Variants in NUTM2G observed in about 807,000 individuals in gnomAD.
NUTM2G encodes family with sequence similarity 22, member G.
In NUTM2G, 29 loss-of-function variants were observed where a neutral mutation model predicts 44.3. The observed-to-expected ratio is 0.66, with a 90% CI of 0.49 to 0.89. The LOEUF (loss-of-function observed/expected upper bound fraction) is 0.89, where lower values mean the gene tolerates loss of function less well. Ranked by LOEUF, NUTM2G falls within the 40% of genes least tolerant of loss-of-function variation. The probability of loss-of-function intolerance (pLI) is 0.00; values close to 1 mark genes in which losing one functional copy is unlikely to be tolerated. For missense variants in NUTM2G, 502 were observed against 946.5 expected, an observed-to-expected ratio of 0.53 and a Z score of 6.16; for synonymous variants, 205 against 395.9, an observed-to-expected ratio of 0.52 and a Z score of 5.72.
intron 2 of NUTM2G, 150 bp from the exon 3 acceptor site, chr9:96,935,178 C>T (rs1467241973): frequency 5.7e-6 from 8 of 1,408,808 alleles, no homozygotes; most frequent in Non-Finnish European, 7.8e-6. Context: ...GGGGGTGTGT[C>T]CTGGAGGCTG....
Position 96,937,167 on chromosome 9 carries a change from G to A in NUTM2G, c.1086G>A (p.Arg362=), listed in dbSNP as rs373488412. 1.2e-5 allele frequency: 19 copies of A among 1,612,396 alleles called. No homozygotes were observed. The African/African-American group carries it at 2.4e-4, about 20-fold the overall frequency. Reference sequence around the variant, plus strand: ...CCAAGGCCCACCTGCCACCACCCAGGCCCCCGAGGCCAGCAGAGACCAAGG... The same window carrying A: ...CCAAGGCCCACCTGCCACCACCCAGACCCCCGAGGCCAGCAGAGACCAAGG... The part of the protein sequence containing the change: ...AETKAHLPPP[R]PPRPAETKVP... Residue 362 remains arginine (R), a synonymous_variant, in exon 5 of 7, where the codon AGG becomes AGA. Transcript: ENST00000372322.
intron 3 of NUTM2G, 91 bp from the exon 4 acceptor site, chr9:96,936,334 T>C (rs1213782582): frequency 6.5e-7 from 1 of 1,534,644 alleles, no homozygotes; most frequent in African/African-American, 1.4e-5. Flanking sequence ...CCGGAGGCAC[T>C]CCCTCCCATC....
chr9:96,938,089 C>G lies in NUTM2G; in HGVS notation c.1440+88C>G, dbSNP rs538753594. The G allele has an allele frequency of 4.3e-5, 66 of 1,544,394 alleles. No individual in the cohort carries two copies. The African/African-American group carries it at 7.3e-4, about 17-fold the overall frequency. ...GCCCACCCGACTGTCTAAGCCCACC[C>G]TGCTGGGGATGTTCAGCTTCTTGGG... is the stretch of plus-strand genomic sequence containing the variant. On this transcript the variant is annotated intron_variant, in intron 6 of 6. Transcript: ENST00000372322.
chr9:96,934,701 G>C (rs1383117647), intron 2 of NUTM2G, among the ~76,000 whole-genome samples: 1 of 151,114 alleles, frequency 6.6e-6, no homozygotes, highest in Non-Finnish European at 1.5e-5. Flanking sequence ...TTTAACCCTC[G>C]CTCCCAGGTC....
rs773215343 is a variant in NUTM2G, at chr9:96,937,357, C to T, written c.1276C>T (p.Leu426=). The T allele has an allele frequency of 5.0e-5, 81 of 1,613,922 alleles. 1 individual carries two copies. The South Asian group carries it at 8.9e-4, about 18-fold the overall frequency. ...EDGMTSDPGL[L]SYIDKLCSQE... ...CGGGATGACCTCAGACCCGGGCCTC[C>T]TGAGCTACATTGACAAGCTGTGTTC... The change falls in exon 5 of 7, where the codon CTG becomes TTG. Residue 426 remains leucine, a synonymous_variant. Coordinates refer to ENST00000372322, the MANE Select transcript of NUTM2G (RefSeq NM_001170741.3).
At position 96,931,963 on chromosome 9, in the gene NUTM2G, G is replaced by T. The variant is rs772751191; in HGVS notation, c.258G>T (p.Arg86Ser). Residue 86 changes from arginine (R) to serine (S), a missense_variant, in exon 2 of 7, where the codon AGG (arginine) becomes AGT (serine). Physicochemically the swap from Arg to Ser is moderately radical, Grantham distance 110. Coordinates refer to ENST00000372322, the MANE Select transcript of NUTM2G (RefSeq NM_001170741.3). ...AGASNVFVQM[R>S]TEVGPVKPPQ... ...CTTCCAACGTCTTTGTCCAGATGAG[G>T]ACAGAAGTGGGGCCTGTGAAGCCCC... 6.2e-7 allele frequency: 1 copy of T among 1,611,798 alleles called. No individual in the cohort carries two copies. The highest frequency in any genetic ancestry group is 8.5e-7 in the Non-Finnish European group (1 of 1,179,822).
At position 96,937,224 on chromosome 9, in the gene NUTM2G, G is replaced by C. The variant is rs371380119; in HGVS notation, c.1143G>C (p.Gln381His). 3.7e-6 allele frequency: 6 copies of C among 1,613,092 alleles called. No homozygotes were observed. The highest frequency in any genetic ancestry group is 1.3e-5 in the African/African-American group (1 of 74,908). Residue 381 changes from glutamine to histidine, a missense_variant, in exon 5 of 7, where the codon CAG becomes CAC. Transcript: ENST00000372322. ...AGGAGATCCCCCCTGAAGTGGTGCA[G>C]GAGTATGTGGACATCATGGAGGAGC... ...VPEEIPPEVV[Q>H]EYVDIMEELL...
chr9:96,930,868 A>G (rs1588198680), intron 1 of NUTM2G, among the ~76,000 whole-genome samples: 1 of 98,638 alleles, frequency 1.0e-5, no homozygotes, highest in African/African-American at 3.8e-5. Context: ...GTTTCCATCC[A>G]GTGGTTTTTT....
downstream of NUTM2G, among the ~76,000 whole-genome samples, chr9:96,940,770 T>C (rs1826571829): frequency 6.6e-6 from 1 of 152,122 alleles, no homozygotes; most frequent in Admixed American, 6.5e-5. Flanking sequence ...AAGGGAGCCA[T>C]GTTTGGGTTC....
downstream of NUTM2G, chr9:96,940,202 C>T (rs1464376365): frequency 1.3e-5 from 2 of 148,588 alleles, no homozygotes; most frequent in Non-Finnish European, 3.0e-5. Flanking sequence ...GGGCCCAGGC[C>T]GAGAGGGGCC....
At chr9:96,940,307 T>C (rs1033978498), downstream of NUTM2G, 5 of 153,262 alleles carry the variant, frequency 3.3e-5, no homozygotes, top group African/African-American at 1.2e-4. Flanking sequence ...GCCCTGAGAG[T>C]CGGGGGCCAG....
chr9:96,938,617 G>A lies in NUTM2G; in HGVS notation c.1694G>A (p.Gly565Glu), dbSNP rs1826524465. The A allele has an allele frequency of 6.2e-7, 1 of 1,601,870 alleles. No individual in the cohort carries two copies. Among genetic ancestry groups the A allele is most frequent in the Admixed American group, 1.7e-5 (1 of 59,830 alleles). Residue 565 changes from glycine to glutamate, a missense_variant, in exon 7 of 7, where the codon GGA (glycine) becomes GAA (glutamate). Physicochemically the swap from Gly to Glu is moderately conservative, Grantham distance 98. Coordinates refer to ENST00000372322, the MANE Select transcript of NUTM2G (RefSeq NM_001170741.3). ...ARSEDPAVLL[G>E]CQDSPRLKAV... ...TCCGAAGACCCTGCTGTGCTTTTGG[G>A]ATGTCAGGACTCCCCCAGGCTGAAG...
Position 96,938,016 on chromosome 9 carries a change from G to A in NUTM2G, c.1440+15G>A. On this transcript the variant is annotated intron_variant, in intron 6 of 6. Coordinates refer to ENST00000372322, the MANE Select transcript of NUTM2G (RefSeq NM_001170741.3). Reference sequence around the variant, plus strand: ...CCCTTGCCCAGGTAGAGCAGCAGAGGGAGGGGAACCCAGGTACTCCAGGGG... The same window carrying A: ...CCCTTGCCCAGGTAGAGCAGCAGAGAGAGGGGAACCCAGGTACTCCAGGGG... The A allele has an allele frequency of 6.2e-7, 1 of 1,612,428 alleles. No homozygotes were observed. Among genetic ancestry groups the A allele is most frequent in the South Asian group, 1.1e-5 (1 of 91,004 alleles).
At position 96,931,721 on chromosome 9, in the gene NUTM2G, G is replaced by A. The variant is rs756089050; in HGVS notation, c.17-1G>A. 6.2e-7 allele frequency: 1 copy of A among 1,611,466 alleles called. No homozygotes were observed. The highest frequency in any genetic ancestry group is 1.7e-5 in the Admixed American group (1 of 59,990). On this transcript the variant is annotated splice_acceptor_variant, in intron 1 of 6. Coordinates refer to ENST00000372322, the MANE Select transcript of NUTM2G (RefSeq NM_001170741.3). LOFTEE classifies it high-confidence loss of function. ...TTCACCTCTTTCCTTTGTCTCCACA[G>A]CATACCCAGTGCTGGGACCCGGCGT...
Position 96,935,429 on chromosome 9 carries a change from G to C in NUTM2G, c.815G>C (p.Arg272Pro). 1.9e-6 allele frequency: 3 copies of C among 1,612,064 alleles called. No individual in the cohort carries two copies. The highest frequency in any genetic ancestry group is 2.5e-6 in the Non-Finnish European group (3 of 1,179,860). Residue 272 changes from arginine to proline, a missense_variant, in exon 3 of 7, where the codon CGG becomes CCG. Transcript: ENST00000372322. ...REWQHTSNFDRMIFYEMAAKF... is the reference protein window; with the variant it reads ...REWQHTSNFDPMIFYEMAAKF... Reference sequence around the variant, plus strand: ...TGGCAGCACACGAGCAACTTTGACCGGATGATTTTCTACGAGATGGCGGCA... The same window carrying C: ...TGGCAGCACACGAGCAACTTTGACCCGATGATTTTCTACGAGATGGCGGCA...
rs750975359 is a variant in NUTM2G at position 96,936,409 on chromosome 9, C to T, written c.843-16C>T. 3 of 1,570,742 alleles carry T rather than the reference C, an allele frequency of 1.9e-6. No homozygotes were observed. The South Asian group carries it at 3.5e-5, about 18-fold the overall frequency. ...CTGGACCCTCTCAGCACAGCCTGGG[C>T]CTCCTTCACCCCCAGGTTCCTGGAG... On this transcript the variant is annotated splice_polypyrimidine_tract_variant and intron_variant, in intron 3 of 6. Coordinates refer to ENST00000372322, the MANE Select transcript of NUTM2G (RefSeq NM_001170741.3).
chr9:96,935,240 G>GGGGAGGACAGGAGCCAGGTGTT (rs1163715759), intron 2 of NUTM2G, 88 bp from the exon 3 acceptor site: 39 of 1,574,304 alleles, frequency 2.5e-5, no homozygotes, highest in Non-Finnish European at 3.2e-5. Flanking sequence ...GGACAGGTGT[G>GGGGAGGACAGGAGCCAGGTGTT]GGGAGGACAG....
chr9:96,936,424 G>C lies in NUTM2G; in HGVS notation c.843-1G>C. 3 of 1,578,186 alleles carry C rather than the reference G, an allele frequency of 1.9e-6. No individual in the cohort carries two copies. The highest frequency in any genetic ancestry group is 2.6e-6 in the Non-Finnish European group (3 of 1,170,412). On this transcript the variant is annotated splice_acceptor_variant, in intron 3 of 6. Transcript: ENST00000372322. LOFTEE classifies it high-confidence loss of function. ...ACAGCCTGGGCCTCCTTCACCCCCA[G>C]GTTCCTGGAGTTTGAGGCTGAGGAG...
At chr9:96,930,876 T>TTTTTTTG in intron 1 of NUTM2G, among the ~76,000 whole-genome samples, 1 of 45,990 alleles carries the variant, frequency 2.2e-5, no homozygotes, top group African/African-American at 1.6e-4. Flanking sequence ...CCAGTGGTTT[T>TTTTTTTG]TTTTTTTTTT....
Sources: gnomAD v4.1 joint callset for allele counts (sites outside exome capture counted in the v4.1 genomes callset) on GRCh38, gnomAD v4.1.1 for gene constraint, MANE v1.5 for transcripts, NCBI Gene and HGNC (gene_info 2026-07-23, HGNC 2026-07-21) for gene names.